Variants in KCNT2 observed in about 807,000 individuals in gnomAD.
KCNT2 encodes the protein potassium sodium-activated channel subfamily T member 2.
In KCNT2, 67 loss-of-function variants were observed where a neutral mutation model predicts 153.8. That is an observed-to-expected ratio of 0.44 (90% CI 0.36 to 0.53). The LOEUF (loss-of-function observed/expected upper bound fraction) is 0.53. Among genes scored for constraint, KCNT2 ranks in the 20% least tolerant of loss-of-function variants. KCNT2 has a pLI of 0.00. For missense variants in KCNT2, 975 were observed against 1,354.8 expected (o/e 0.72, Z 4.40); for synonymous variants, 500 against 458.8 (o/e 1.09, Z -1.15).
chr1:196,561,095 C>T (rs972433962), intron 1 of KCNT2, among the ~76,000 whole-genome samples: 1 of 151,504 alleles, frequency 6.6e-6, no homozygotes, highest in African/African-American at 2.4e-5. Context: ...TTCAAAATTA[C>T]TAAAAGAGTA....
At chr1:196,523,257 A>G (rs796960441) in intron 1 of KCNT2, among the ~76,000 whole-genome samples, 87 of 152,322 alleles carry the variant, frequency 5.7e-4, no homozygotes, top group African/African-American at 2.0e-3. Context: ...AACTCCAGAC[A>G]CATCTGAACA....
chr1:196,383,911 C>T (rs1769996), intron 13 of KCNT2, among the ~76,000 whole-genome samples: 97,859 of 151,912 alleles, frequency 0.64, 31,828 homozygotes, highest in Middle Eastern at 0.76. Context: ...CTATACCTTG[C>T]AGCAAATTAG....
At chr1:196,415,345 G>A (rs552871719) in intron 12 of KCNT2, among the ~76,000 whole-genome samples, 6 of 151,922 alleles carry the variant, frequency 3.9e-5, no homozygotes, top group African/African-American at 1.4e-4. Context: ...ATAATGTAGT[G>A]TTTGCATCAG....
intron 13 of KCNT2, among the ~76,000 whole-genome samples, chr1:196,385,544 C>T (rs995900975): frequency 1.3e-5 from 2 of 151,674 alleles, no homozygotes; most frequent in African/African-American, 2.4e-5. Context: ...ATTAAAAAAT[C>T]GCCAAACAGA....
At chr1:196,524,534 G>A (rs1032606642) in intron 1 of KCNT2, among the ~76,000 whole-genome samples, 5 of 152,094 alleles carry the variant, frequency 3.3e-5, no homozygotes, top group African/African-American at 1.2e-4. Flanking sequence ...TAAATACAAT[G>A]AGTGAGGTTA....
At chr1:196,271,207 T>C (rs1658033380) in intron 25 of KCNT2, among the ~76,000 whole-genome samples, 1 of 152,066 alleles carries the variant, frequency 6.6e-6, no homozygotes. Flanking sequence ...TTTGTATTCT[T>C]ATGTAAATAG....
In KCNT2 at chr1:196,418,832, C is replaced by A. The variant is rs189702745; in HGVS notation, c.1185+4218G>T. Among the ~76,000 whole-genome samples, 406 of 152,184 alleles carry A rather than the reference C, an allele frequency of 2.7e-3. 3 individuals are homozygous for A. Among genetic ancestry groups the A allele is most frequent in the African/African-American group, 9.3e-3 (385 of 41,552 alleles). ...CAACAAGTGAAAATAAAAGGGGAGA[C>A]AAAATGCAATCCAAAACCCCTGCCC... On this transcript the variant is annotated intron_variant, in intron 12 of 27. Transcript: ENST00000294725.
At chr1:196,385,858 C>T (rs1329414873) in intron 13 of KCNT2, among the ~76,000 whole-genome samples, 2 of 151,814 alleles carry the variant, frequency 1.3e-5, no homozygotes, top group Non-Finnish European at 2.9e-5. Flanking sequence ...TAGCCAGCCT[C>T]CAGGATTGCC....
chr1:196,419,757 A>G (rs905472283), intron 12 of KCNT2, among the ~76,000 whole-genome samples: 13 of 151,768 alleles, frequency 8.6e-5, no homozygotes, highest in African/African-American at 1.2e-4. Flanking sequence ...AGACATTCCA[A>G]TTTTCCACCC....
intron 1 of KCNT2, among the ~76,000 whole-genome samples, chr1:196,515,926 C>T (rs530929857): frequency 6.6e-6 from 1 of 152,136 alleles, no homozygotes; most frequent in Non-Finnish European, 1.5e-5. Flanking sequence ...ACCCTTAGAT[C>T]AGGAGATCCC....
At chr1:196,263,444 C>T (rs1657217868) in intron 25 of KCNT2, among the ~76,000 whole-genome samples, 1 of 151,966 alleles carries the variant, frequency 6.6e-6, no homozygotes. Context: ...AATGAGAACA[C>T]ATGGACACAG....
intron 1 of KCNT2, among the ~76,000 whole-genome samples, chr1:196,560,630 G>A (rs1038523740): frequency 4.0e-5 from 6 of 151,846 alleles, no homozygotes; most frequent in African/African-American, 1.5e-4. Flanking sequence ...GAAAACAGGA[G>A]CCTAACTTTA....
At position 196,490,181 on chromosome 1, in the gene KCNT2, A is replaced by T. The variant is rs961158585; in HGVS notation, c.176-244T>A. Among the ~76,000 whole-genome samples, 4 of 151,946 alleles carry T rather than the reference A, an allele frequency of 2.6e-5. 1 individual carries two copies. Among genetic ancestry groups the T allele is most frequent in the African/African-American group, 9.6e-5 (4 of 41,544 alleles). On this transcript the variant is annotated intron_variant, in intron 2 of 27. Transcript: ENST00000294725. ...ATGAGAGTGCATATTTTATAAAAAGACTAAATCTAGATTTGAACATTCAGA... is the reference window on the plus strand; with the variant it reads ...ATGAGAGTGCATATTTTATAAAAAGTCTAAATCTAGATTTGAACATTCAGA...
At chr1:196,538,151 T>G (rs1655857859) in intron 1 of KCNT2, among the ~76,000 whole-genome samples, 1 of 152,048 alleles carries the variant, frequency 6.6e-6, no homozygotes, top group Non-Finnish European at 1.5e-5. Context: ...CAAAGACTCA[T>G]TCCTTCTCGG....
At chr1:196,515,642 G>A (rs1681987118) in intron 1 of KCNT2, among the ~76,000 whole-genome samples, 1 of 152,142 alleles carries the variant, frequency 6.6e-6, no homozygotes, top group African/African-American at 2.4e-5. Context: ...AACAATAAGA[G>A]TAAGATCCTG....
intron 1 of KCNT2, among the ~76,000 whole-genome samples, chr1:196,566,080 T>TA (rs1405447901): frequency 3.3e-5 from 5 of 152,012 alleles, no homozygotes; most frequent in Non-Finnish European, 7.4e-5. Flanking sequence ...ATACAATTTT[T>TA]ATTTGTCAAT....
intron 1 of KCNT2, among the ~76,000 whole-genome samples, chr1:196,600,175 C>T (rs1007292468): frequency 5.3e-5 from 8 of 152,144 alleles, no homozygotes; most frequent in Admixed American, 1.3e-4. Context: ...GAGAATCCAA[C>T]ATCATTTCAC....
chr1:196,345,413 G>C (rs1035576027), intron 14 of KCNT2, among the ~76,000 whole-genome samples: 2 of 152,082 alleles, frequency 1.3e-5, no homozygotes, highest in African/African-American at 4.8e-5. Context: ...TGCTTGATGC[G>C]GCTAAGGAAG....
intron 1 of KCNT2, among the ~76,000 whole-genome samples, chr1:196,503,845 A>T (rs1680895437): frequency 6.6e-6 from 1 of 152,118 alleles, no homozygotes; most frequent in African/African-American, 2.4e-5. Flanking sequence ...CGTCTCTTCC[A>T]TTTTGCACTT....
Sources: allele counts gnomAD v4.1 joint callset (sites outside exome capture counted in the v4.1 genomes callset), GRCh38; gene constraint gnomAD v4.1.1; transcripts MANE v1.5; gene names NCBI Gene and HGNC (gene_info 2026-07-23, HGNC 2026-07-21).